Variants in BUD31 observed in about 807,000 individuals in gnomAD.
BUD31 encodes the protein protein BUD31 homolog.
A neutral mutation model predicts 17.9 loss-of-function variants in BUD31; 9 were observed. That is an observed-to-expected ratio of 0.50 (90% CI 0.30 to 0.88). The LOEUF is 0.88. Among genes scored for constraint, BUD31 ranks in the 40% least tolerant of loss-of-function variants. The pLI is 0.06. For synonymous variants in BUD31, 70 were observed against 64.7 expected (o/e 1.08, Z -0.39); for missense variants, 148 against 184.5 (o/e 0.80, Z 1.15).
At chr7:99,417,674 T>C (rs1220534178) in intron 5 of BUD31, 79 bp downstream of exon 5, 3 of 1,579,988 alleles carry the variant, frequency 1.9e-6, no homozygotes, top group Admixed American at 1.8e-5. Context: ...TCTTATGTTA[T>C]TTGGTTGGGC....
chr7:99,413,366 A>C (rs1278081571), intron 3 of BUD31, among the ~76,000 whole-genome samples: 1 of 152,146 alleles, frequency 6.6e-6, no homozygotes, highest in African/African-American at 2.4e-5. Flanking sequence ...GTGTTGAAGG[A>C]GCAGCTTCTG....
At position 99,409,487 on chromosome 7, in the gene BUD31, T is replaced by C. The variant is rs374150189; in HGVS notation, c.-166+242T>C. ...ATTTTCACCTCCGAGAGGCCTCTTC[T>C]GACTTCCAGGCTGGATCAGGGCCCT... On this transcript the variant is annotated intron_variant, in intron 1 of 5. Transcript: ENST00000222969. 9.9e-5 allele frequency among the ~76,000 whole-genome samples: 15 copies of C among 152,182 alleles called. No homozygotes were observed. The East Asian group carries it at 1.4e-3, about 14-fold the overall frequency.
intron 3 of BUD31, chr7:99,411,650 C>T (rs1795188931): frequency 4.4e-6 from 2 of 453,658 alleles, no homozygotes; most frequent in Non-Finnish European, 4.4e-6. Flanking sequence ...TTATCTGAAG[C>T]CACAAGCATC....
chr7:99,419,552 C>G lies in BUD31; in HGVS notation c.*111C>G, dbSNP rs1281036075. The G allele has an allele frequency of 7.9e-7, 1 of 1,269,806 alleles. No homozygotes were observed. Among genetic ancestry groups the G allele is most frequent in the Admixed American group, 1.8e-5 (1 of 55,704 alleles). The allele number at this position is 1,269,806 out of a possible 1,614,324, so 78.7% of individuals were successfully genotyped here. On this transcript the variant is annotated 3_prime_UTR_variant, in exon 6 of 6. Coordinates refer to ENST00000222969, the MANE Select transcript of BUD31 (RefSeq NM_003910.4). Reference sequence around the variant, plus strand: ...CCAGGCCCGAGTTGGAGCACGGTCTCTATGGGGAAGGCTTCGCTGTCTATC... The same window carrying G: ...CCAGGCCCGAGTTGGAGCACGGTCTGTATGGGGAAGGCTTCGCTGTCTATC...
chr7:99,412,179 T>C (rs1386011538), intron 3 of BUD31, among the ~76,000 whole-genome samples: 1 of 152,244 alleles, frequency 6.6e-6, no homozygotes, highest in Non-Finnish European at 1.5e-5. Flanking sequence ...ACTCAGTACT[T>C]GTTTTGCAGT....
intron 3 of BUD31, chr7:99,411,786 C>T (rs149676939): frequency 0.011 from 4,944 of 446,128 alleles, 48 homozygotes; most frequent in Non-Finnish European, 0.015. Flanking sequence ...CTCACTGCAA[C>T]CTCTGCCTCC....
rs1795693919 is a variant in BUD31 at position 99,419,399 on chromosome 7, C to T, written c.393C>T (p.Ile131=). 2 of 1,613,044 alleles carry T rather than the reference C, an allele frequency of 1.2e-6. No individual in the cohort carries two copies. Among genetic ancestry groups the T allele is most frequent in the South Asian group, 1.1e-5 (1 of 91,092 alleles). Residue 131 remains isoleucine, a synonymous_variant, in exon 6 of 6, where the codon ATC becomes ATT. Transcript: ENST00000222969. ...GTCCTCCTCCGTTGCAGGGCCGCAT[C>T]ATCGAGTGCACACACTGTGGCTGTC... ...VPKSKLEVGR[I]IECTHCGCRG... is the part of the protein sequence containing the mutation.
chr7:99,409,337 T>C (rs1179759932), intron 1 of BUD31, 92 bp downstream of exon 1: 2 of 152,468 alleles, frequency 1.3e-5, no homozygotes, highest in Admixed American at 1.3e-4. Flanking sequence ...TGCACTATCT[T>C]CCTTCGCTCC....
At position 99,417,610 on chromosome 7, in the gene BUD31, T is replaced by G. The variant is rs867945501; in HGVS notation, c.384+15T>G. ...AGCTGGAAGTGGTAATGTCTGACAC[T>G]CAAGCTTGGTGTTGTTTTCAGCTCA... is the stretch of plus-strand genomic sequence containing the variant. On this transcript the variant is annotated intron_variant, in intron 5 of 5. Transcript: ENST00000222969. The G allele has an allele frequency of 1.2e-6, 2 of 1,609,272 alleles. No homozygotes were observed. Among genetic ancestry groups the G allele is most frequent in the Middle Eastern group, 3.3e-4 (2 of 6,062 alleles).
chr7:99,419,139 G>A, intron 5 of BUD31: 1 of 547,138 alleles, frequency 1.8e-6, no homozygotes, highest in Non-Finnish European at 3.3e-6. Flanking sequence ...TTCTTGATTG[G>A]CAAACGTGTG....
intron 3 of BUD31, among the ~76,000 whole-genome samples, chr7:99,413,319 G>A (rs1392091245): frequency 6.6e-6 from 1 of 152,172 alleles, no homozygotes; most frequent in Non-Finnish European, 1.5e-5. Context: ...AGAGAGAACT[G>A]CCTTGCGGCA....
chr7:99,417,717 G>C, intron 5 of BUD31, 122 bp downstream of exon 5: 1 of 1,541,344 alleles, frequency 6.5e-7, no homozygotes, highest in Middle Eastern at 1.7e-4. Context: ...ATGTCCTGCT[G>C]GCTCTCCCTC....
intron 4 of BUD31, chr7:99,416,717 C>CCTT (rs1795490349): frequency 1.0e-5 from 1 of 98,878 alleles, no homozygotes; most frequent in African/African-American, 4.3e-5. Context: ...CCGCTCTTGG[C>CCTT]TTTTTTTTTT....
chr7:99,410,511 A>G (rs893575036), intron 2 of BUD31, among the ~76,000 whole-genome samples: 1 of 151,880 alleles, frequency 6.6e-6, no homozygotes, highest in African/African-American at 2.4e-5. Context: ...CAAGACCAGA[A>G]TTACAGGCAT....
chr7:99,417,293 T>C (rs1350523247), intron 4 of BUD31, 136 bp from the exon 5 acceptor site: 1 of 799,930 alleles, frequency 1.3e-6, no homozygotes, highest in South Asian at 1.5e-5. Context: ...CCTCAGGTGA[T>C]CCGCCTGCCT....
At chr7:99,414,016 G>A (rs1288432314) in intron 3 of BUD31, among the ~76,000 whole-genome samples, 2 of 152,210 alleles carry the variant, frequency 1.3e-5, no homozygotes, top group Admixed American at 1.3e-4. Context: ...GACAAGGTTT[G>A]AGAGTGGCAT....
chr7:99,417,314 A>G, intron 4 of BUD31, 115 bp from the exon 5 acceptor site: 1 of 1,084,226 alleles, frequency 9.2e-7, no homozygotes, highest in Non-Finnish European at 1.4e-6. Flanking sequence ...CGGCCTCCCA[A>G]AGTGCTGGGA....
At chr7:99,411,912 G>A (rs1377873954) in intron 3 of BUD31, 2 of 328,086 alleles carry the variant, frequency 6.1e-6, no homozygotes, top group Non-Finnish European at 1.2e-5. Flanking sequence ...CTCCATGTTG[G>A]CCAGGCTGGT....
rs1795670438 is a variant in BUD31, at chr7:99,419,031, CT to C, written c.385-359del. The C allele has an allele frequency of 2.1e-5, 6 of 281,742 alleles. 1 individual carries two copies. The highest frequency in any genetic ancestry group is 1.3e-4 in the African/African-American group (6 of 44,702). The allele number at this position is 281,742 out of a possible 1,614,324, so 17.5% of individuals were successfully genotyped here. On this transcript the variant is annotated intron_variant, in intron 5 of 5. Coordinates refer to ENST00000222969, the MANE Select transcript of BUD31 (RefSeq NM_003910.4). ...AGAGTGTACCAGCCCAGAGGCCCCCCTGAAGTCCCCAAACAGTAGCAGAGCC... is the reference window on the plus strand; with the variant it reads ...AGAGTGTACCAGCCCAGAGGCCCCCCGAAGTCCCCAAACAGTAGCAGAGCC...
Sources: gnomAD v4.1 joint callset for allele counts (sites outside exome capture counted in the v4.1 genomes callset) on GRCh38, gnomAD v4.1.1 for gene constraint, MANE v1.5 for transcripts, NCBI Gene and HGNC (gene_info 2026-07-23, HGNC 2026-07-21) for gene names.